MUC5B: variants seen among roughly 807,000 people sequenced by gnomAD.
MUC5B encodes mucin-5B.
MUC5B carries 116 observed loss-of-function variants against 376.9 expected under a neutral mutation model. The observed-to-expected ratio is 0.31, with a 90% CI of 0.26 to 0.36. The LOEUF (loss-of-function observed/expected upper bound fraction) is 0.36, where lower values mean the gene tolerates loss of function less well. Ranked by LOEUF, MUC5B falls within the 10% of genes least tolerant of loss-of-function variation. MUC5B has a pLI of 1.00. For synonymous variants in MUC5B, 3,517 were observed against 3,390.9 expected, an observed-to-expected ratio of 1.04 and a Z score of -1.29; for missense variants, 7,165 against 7,769.9, an observed-to-expected ratio of 0.92 and a Z score of 2.93.
At chr11:1,254,582 G>A in intron 34 of MUC5B, 112 bp from the exon 35 acceptor site, 1 of 1,268,932 alleles carries the variant, frequency 7.9e-7, no homozygotes, top group Non-Finnish European at 1.1e-6. Flanking sequence ...TTTGGGGTGG[G>A]GGATACACAG....
intron 25 of MUC5B, among the ~76,000 whole-genome samples, chr11:1,237,981 G>A (rs1441337884): frequency 6.6e-6 from 1 of 152,230 alleles, no homozygotes; most frequent in Non-Finnish European, 1.5e-5. Context: ...AGGGGCTGGC[G>A]TAGGGGCAGC....
Position 1,240,139 on chromosome 11 carries a change from C to T in MUC5B, c.3773-39C>T, listed in dbSNP as rs767836439. On this transcript the variant is annotated intron_variant, in intron 29 of 48. Coordinates refer to ENST00000529681, the MANE Select transcript of MUC5B (RefSeq NM_002458.3). Reference sequence around the variant, plus strand: ...GGCCGGTGAAGGCTGGGGCCAGGGGCTCGGAGGCCCTGGGTGACTCTGCCG... The same window carrying T: ...GGCCGGTGAAGGCTGGGGCCAGGGGTTCGGAGGCCCTGGGTGACTCTGCCG... The T allele has an allele frequency of 4.1e-5, 65 of 1,570,910 alleles. No individual in the cohort carries two copies. In the East Asian group the frequency reaches 1.3e-3, roughly 32 times the overall value.
intron 24 of MUC5B, 124 bp downstream of exon 24, chr11:1,236,686 C>T (rs1862164750): frequency 1.7e-6 from 2 of 1,177,118 alleles, no homozygotes. Context: ...TGGTGAGGGC[C>T]CTGCCTGTGG....
At position 1,245,948 on chromosome 11, in the gene MUC5B, A is replaced by C. The variant is rs1862446827; in HGVS notation, c.9068A>C (p.Lys3023Thr). 8.1e-6 allele frequency: 13 copies of C among 1,611,210 alleles called. No homozygotes were observed. The highest frequency in any genetic ancestry group is 9.3e-6 in the Non-Finnish European group (11 of 1,179,168). ...SSTPGTAPPP[K>T]VLTSTATTPT... ...ACCCCGGGAACAGCTCCCCCTCCCA[A>C]AGTGCTGACCAGCACGGCCACCACA... Residue 3023 changes from lysine to threonine, a missense_variant, in exon 31 of 49, where the codon AAA (lysine) becomes ACA (threonine). By Grantham distance (78) the Lys-to-Thr change is moderately conservative (BLOSUM62 -1). Transcript: ENST00000529681.
chr11:1,223,936 T>C (rs1861819186), intron 1 of MUC5B, among the ~76,000 whole-genome samples: 2 of 151,938 alleles, frequency 1.3e-5, no homozygotes, highest in South Asian at 2.1e-4. Context: ...CCTCCCAAGC[T>C]TGGGGTCTGG....
In MUC5B at chr11:1,255,249, T is replaced by C; in HGVS notation, c.15873T>C (p.Cys5291=). 2 of 1,488,688 alleles carry C rather than the reference T, an allele frequency of 1.3e-6. No individual in the cohort carries two copies. The highest frequency in any genetic ancestry group is 2.6e-5 in the East Asian group (1 of 37,862). 92.2% of individuals were successfully genotyped at this position (1,488,688 alleles called of 1,614,324 possible). A position where few individuals can be genotyped will look rare whatever the true frequency, so the allele number is the denominator to read the frequency against. ...TPTPCPPQPL[C]DLMLSQVFAE... is the part of the protein sequence containing the mutation. ...CCCCATGCCCACCACAGCCGCTCTG[T>C]GATCTGATGCTGAGCCAGTGAGTCC... Residue 5291 remains cysteine, a synonymous_variant, in exon 36 of 49, where the codon TGT becomes TGC. Transcript: ENST00000529681.
At position 1,233,774 on chromosome 11, in the gene MUC5B, T is replaced by A; in HGVS notation, c.2322-19T>A. On this transcript the variant is annotated intron_variant, in intron 18 of 48. Transcript: ENST00000529681. ...GGGTGAGGGCCGCAGATCCAGGCTG[T>A]GCCGTCTGTCTCTTGTAGTTCATGT... 6.3e-7 allele frequency: 1 copy of A among 1,597,738 alleles called. No individual in the cohort carries two copies. Among genetic ancestry groups the A allele is most frequent in the Non-Finnish European group, 8.5e-7 (1 of 1,172,940 alleles).
In MUC5B at chr11:1,234,394, C is replaced by T; in HGVS notation, c.2478+89C>T. 1 of 1,496,716 alleles carries T rather than the reference C, an allele frequency of 6.7e-7. No homozygotes were observed. The highest frequency in any genetic ancestry group is 1.2e-5 in the South Asian group (1 of 81,418). The allele number at this position is 1,496,716 out of a possible 1,614,324, so 92.7% of individuals were successfully genotyped here. On this transcript the variant is annotated intron_variant, in intron 20 of 48. Transcript: ENST00000529681. This position sits in a 1 kb window ranked among gnomAD's most constrained non-coding sequence, Gnocchi z 6.3. ...CCCAGGGATCTGGTGGTCCTGGAGA[C>T]ACTTACCCACCTGGAAGCTCCGCCC...
At position 1,251,294 on chromosome 11, in the gene MUC5B, C is replaced by A. The variant is rs1359624160; in HGVS notation, c.14414C>A (p.Ser4805Tyr). The change falls in exon 31 of 49, where the codon TCC becomes TAC. Residue 4805 changes from serine to tyrosine, a missense_variant. Transcript: ENST00000529681. ...TTATMTRATN[S>Y]TATPSSTLGT... Reference sequence around the variant, plus strand: ...GCCACCATGACAAGGGCCACCAATTCCACGGCCACACCCTCCTCCACTCTG... The same window carrying A: ...GCCACCATGACAAGGGCCACCAATTACACGGCCACACCCTCCTCCACTCTG... 21 of 1,611,542 alleles carry A rather than the reference C, an allele frequency of 1.3e-5. 1 individual carries two copies. The highest frequency in any genetic ancestry group is 1.7e-5 in the Non-Finnish European group (20 of 1,178,438).
intron 1 of MUC5B, among the ~76,000 whole-genome samples, chr11:1,224,604 C>T (rs1861839699): frequency 6.7e-6 from 1 of 150,284 alleles, no homozygotes; most frequent in Non-Finnish European, 1.5e-5. Context: ...GGAGGGGCTG[C>T]CTGCGGCGGG....
chr11:1,260,305 G>A, intron 46 of MUC5B, 46 bp from the exon 47 acceptor site: 1 of 1,595,802 alleles, frequency 6.3e-7, no homozygotes, highest in Non-Finnish European at 8.6e-7. Context: ...CACCCACCAG[G>A]GAGGCCCCGC....
chr11:1,233,155 G>C lies in MUC5B; in HGVS notation c.2208G>C (p.Ala736=). The change falls in exon 18 of 49, where the codon GCG becomes GCC. Residue 736 remains alanine, a synonymous_variant. Transcript: ENST00000529681. ...FVPVDGCTCP[A]GTFLNDAGAC... ...CTGTGGACGGCTGCACCTGCCCCGC[G>C]GGCACCTTCCTCAATGACGCGGGCG... 6.2e-7 allele frequency: 1 copy of C among 1,606,522 alleles called. No individual in the cohort carries two copies.
Position 1,260,665 on chromosome 11 carries a change from A to G in MUC5B, c.17006A>G (p.His5669Arg). The part of the protein sequence containing the change: ...QVRINTTILW[H>R]QGCETEVNIT... Reference sequence around the variant, plus strand: ...CGCATCAACACGACCATCCTGTGGCACCAGGGCTGCGAGACCGAGGTCAAC... The same window carrying G: ...CGCATCAACACGACCATCCTGTGGCGCCAGGGCTGCGAGACCGAGGTCAAC... The change falls in exon 48 of 49, where the codon CAC becomes CGC. Residue 5669 changes from histidine (H) to arginine (R), a missense_variant. By Grantham distance (29) the His-to-Arg change is conservative. Transcript: ENST00000529681. The G allele has an allele frequency of 6.2e-7, 1 of 1,612,648 alleles. No individual in the cohort carries two copies.
chr11:1,245,039 C>T lies in MUC5B; in HGVS notation c.8159C>T (p.Thr2720Ile), dbSNP rs1862414178. 2.6e-6 allele frequency: 4 copies of T among 1,547,056 alleles called. No individual in the cohort carries two copies. The East Asian group carries it at 7.4e-5, about 28-fold the overall frequency. ...PGTTPIPPVL[T>I]TTATTPAATS... ...ACAACACCTATCCCCCCAGTGCTGA[C>T]CACCACCGCCACCACACCTGCAGCC... is the stretch of plus-strand genomic sequence containing the variant. Residue 2720 changes from threonine (T) to isoleucine (I), a missense_variant, in exon 31 of 49, where the codon ACC becomes ATC. Around this residue, in one of 31 missense-constraint regions of MUC5B, gnomAD observed 70 missense variants for 169.1 expected, o/e 0.41. Coordinates refer to ENST00000529681, the MANE Select transcript of MUC5B (RefSeq NM_002458.3).
intron 6 of MUC5B, 61 bp from the exon 7 acceptor site, chr11:1,227,614 G>A: frequency 1.4e-6 from 1 of 698,520 alleles, no homozygotes; most frequent in Non-Finnish European, 2.7e-6. Flanking sequence ...GGAAGTGGGA[G>A]CCCATATCTT....
At position 1,257,578 on chromosome 11, in the gene MUC5B, G is replaced by C; in HGVS notation, c.16318G>C (p.Gly5440Arg). 6.2e-7 allele frequency: 1 copy of C among 1,607,450 alleles called. No homozygotes were observed. Reference protein sequence around the residue: ...SNCQSCVCDEGSVSVQCKPLP... With the variant: ...SNCQSCVCDERSVSVQCKPLP... Reference sequence around the variant, plus strand: ...CTGCCAGTCCTGCGTGTGTGACGAGGGTTCAGTGTCGGTGCAGTGCAAGCC... The same window carrying C: ...CTGCCAGTCCTGCGTGTGTGACGAGCGTTCAGTGTCGGTGCAGTGCAAGCC... Residue 5440 changes from glycine (G) to arginine (R), a missense_variant, in exon 41 of 49, where the codon GGT (glycine) becomes CGT (arginine). Transcript: ENST00000529681. The surrounding 1 kb of genome is among the most constrained non-coding windows in gnomAD (Gnocchi z 8.9).
chr11:1,242,499 C>A lies in MUC5B; in HGVS notation c.5619C>A (p.Asn1873Lys), dbSNP rs374068418. ...TGRFNMCFNY[N>K]VRVLCCDDYS... Reference sequence around the variant, plus strand: ...GGTTCAACATGTGCTTCAACTACAACGTGCGTGTGCTTTGCTGTGACGACT... The same window carrying A: ...GGTTCAACATGTGCTTCAACTACAAAGTGCGTGTGCTTTGCTGTGACGACT... Residue 1873 changes from asparagine (N) to lysine (K), a missense_variant, in exon 31 of 49, where the codon AAC becomes AAA. Asn to Lys is a moderately conservative substitution (Grantham distance 94). Around this residue, in one of 31 missense-constraint regions of MUC5B, gnomAD observed 897 missense variants for 779.6 expected, o/e 1.15. Coordinates refer to ENST00000529681, the MANE Select transcript of MUC5B (RefSeq NM_002458.3). 4 of 1,613,812 alleles carry A rather than the reference C, an allele frequency of 2.5e-6. No homozygotes were observed. The highest frequency in any genetic ancestry group is 3.4e-6 in the Non-Finnish European group (4 of 1,179,808).
chr11:1,252,204 C>A, intron 31 of MUC5B, 139 bp from the exon 32 acceptor site: 1 of 813,938 alleles, frequency 1.2e-6, no homozygotes, highest in African/African-American at 1.7e-5. Flanking sequence ...CCACTGGCCA[C>A]ACTCAGCCTC....
rs761384432 is a variant in MUC5B at position 1,236,378 on chromosome 11, C to T, written c.2881-8C>T. The T allele has an allele frequency of 1.6e-5, 25 of 1,601,962 alleles. No individual in the cohort carries two copies. In the South Asian group the frequency reaches 2.1e-4, roughly 13 times the overall value. On this transcript the variant is annotated splice_polypyrimidine_tract_variant and splice_region_variant and intron_variant, in intron 23 of 48. Coordinates refer to ENST00000529681, the MANE Select transcript of MUC5B (RefSeq NM_002458.3). ...GTCGGCTTCCGGCAGCGTCTGCCTC[C>T]CCTGCAGAGCTACGAGCTGATCCTC...
Sources: gnomAD v4.1 joint callset for allele counts (sites outside exome capture counted in the v4.1 genomes callset) on GRCh38, gnomAD v4.1.1 for gene constraint, gnomAD v4.1.1 regional missense constraint, Gnocchi (gnomAD v3.1) non-coding constraint, MANE v1.5 for transcripts, NCBI Gene and HGNC (gene_info 2026-07-23, HGNC 2026-07-21) for gene names.